The following DDHD2 variants were observed in gnomAD, a reference collection of about 807,000 sequenced individuals.
DDHD2 encodes the protein triacylglycerol hydrolase DDHD2.
Under a neutral mutation model 91.2 loss-of-function variants are expected in DDHD2, and 62 were observed. The ratio of observed to expected loss-of-function variants is 0.68; its 90% CI spans 0.55 to 0.84. DDHD2 has a LOEUF of 0.84. DDHD2 is among the 40% of genes least tolerant of loss of function. The probability of loss-of-function intolerance (pLI) is 0.00; values close to 1 mark genes in which losing one functional copy is unlikely to be tolerated. For missense variants in DDHD2, 740 were observed against 846.9 expected (o/e 0.87, Z 1.57); for synonymous variants, 271 against 293.9 (o/e 0.92, Z 0.80).
At chr8:38,253,937 G>C (rs938633472) in intron 16 of DDHD2, among the ~76,000 whole-genome samples, 2 of 152,002 alleles carry the variant, frequency 1.3e-5, no homozygotes, top group South Asian at 2.1e-4. Flanking sequence ...TTAGCTGGGC[G>C]TGGTGGTATG....
At chr8:38,236,585 A>G (rs1804776559) in intron 3 of DDHD2, among the ~76,000 whole-genome samples, 1 of 147,436 alleles carries the variant, frequency 6.8e-6, no homozygotes, top group Non-Finnish European at 1.5e-5. Context: ...GCGCGATCTC[A>G]GCTCACCGCA....
chr8:38,262,137 T>C lies in DDHD2; in HGVS notation c.*1564T>C, dbSNP rs571226364. ...TCTGCTTATAGTCTAGTGCTAAGTA[T>C]GCCACTAAGTTTCAGATATATGGAA... On this transcript the variant is annotated 3_prime_UTR_variant, in exon 18 of 18. Coordinates refer to ENST00000397166, the MANE Select transcript of DDHD2 (RefSeq NM_015214.3). 1.3e-5 allele frequency: 2 copies of C among 152,314 alleles called. No individual in the cohort carries two copies. Among genetic ancestry groups the C allele is most frequent in the Admixed American group, 6.5e-5 (1 of 15,300 alleles). 9.4% of individuals were successfully genotyped at this position (152,314 alleles called of 1,614,324 possible). A position where few individuals can be genotyped will look rare whatever the true frequency, so the allele number is the denominator to read the frequency against.
At chr8:38,267,650 T>C (rs1244712776), downstream of DDHD2, 1 of 620,222 alleles carries the variant, frequency 1.6e-6, no homozygotes, top group African/African-American at 1.8e-5. Context: ...CAGGAGGTGC[T>C]CAAGAGGACA....
At chr8:38,264,429 G>C, downstream of DDHD2, 1 of 1,535,290 alleles carries the variant, frequency 6.5e-7, no homozygotes, top group Non-Finnish European at 8.8e-7. Flanking sequence ...CACCACGCCC[G>C]GCCAGATTCA....
chr8:38,268,961 C>A (rs766773305), intron 1 of DDHD2: 2 of 1,567,920 alleles, frequency 1.3e-6, no homozygotes, highest in African/African-American at 2.8e-5. Context: ...CTGGATGAGT[C>A]TCTGGAACGG....
At chr8:38,267,710 G>C, downstream of DDHD2, 2 of 670,288 alleles carry the variant, frequency 3.0e-6, no homozygotes, top group Non-Finnish European at 5.0e-6. Context: ...AGGCAGAAAA[G>C]AGCCCAGGTG....
intron 3 of DDHD2, among the ~76,000 whole-genome samples, chr8:38,236,799 C>T (rs1032392219): frequency 6.6e-6 from 1 of 151,888 alleles, no homozygotes; most frequent in African/African-American, 2.4e-5. Flanking sequence ...GGATTATAGG[C>T]GTGAGCCACC....
chr8:38,253,371 A>G, intron 15 of DDHD2, 185 bp from the exon 16 acceptor site: 1 of 732,158 alleles, frequency 1.4e-6, no homozygotes, highest in East Asian at 2.7e-5. Flanking sequence ...AAAAAAGGGG[A>G]TTGGACAAAA....
At chr8:38,254,522 C>G (rs1413329574) in intron 16 of DDHD2, among the ~76,000 whole-genome samples, 1 of 151,866 alleles carries the variant, frequency 6.6e-6, no homozygotes, top group Non-Finnish European at 1.5e-5. Flanking sequence ...GTAGGATGAC[C>G]GTTGTGCACC....
In DDHD2 at chr8:38,242,522, G is replaced by C; in HGVS notation, c.848+137G>C. On this transcript the variant is annotated intron_variant, in intron 7 of 17. Transcript: ENST00000397166. ...GAGATATGCTATTAAATGCTGATCA[G>C]TCCCTTGGTTTAATTAGCCCTGGTT... The C allele has an allele frequency of 3.2e-6, 3 of 925,268 alleles. No homozygotes were observed. The South Asian group carries it at 5.3e-5, about 16-fold the overall frequency. 57.3% of individuals were successfully genotyped at this position (925,268 alleles called of 1,614,324 possible). A position where few individuals can be genotyped will look rare whatever the true frequency, so the allele number is the denominator to read the frequency against.
At chr8:38,246,033 G>GCAC in intron 8 of DDHD2, 83 bp downstream of exon 8, 1 of 1,411,142 alleles carries the variant, frequency 7.1e-7, no homozygotes, top group Non-Finnish European at 9.9e-7. Context: ...TCTTTTATCA[G>GCAC]TATGAAATTC....
downstream of DDHD2, chr8:38,264,720 C>G (rs1366712565): frequency 7.0e-7 from 1 of 1,438,004 alleles, no homozygotes; most frequent in African/African-American, 1.4e-5. Flanking sequence ...CTAAAATAAC[C>G]TCAATTCCAG....
At chr8:38,270,978 G>C (rs948029285) in intron 1 of DDHD2, 1 of 152,156 alleles carries the variant, frequency 6.6e-6, no homozygotes, top group East Asian at 1.9e-4. Context: ...GGAGTGTAAC[G>C]TAAGTGCAAT....
Position 38,252,811 on chromosome 8 carries a change from GCGGAT to G in DDHD2, c.1708_1712del (p.Arg570AlafsTer16). The G allele has an allele frequency of 6.2e-7, 1 of 1,614,098 alleles. No individual in the cohort carries two copies. ...TGATCCCACATCATAAAGGCAGGAA[GCGGAT>G]GCACTTAGGTAAGTCCGAGCATAGA... is the stretch of plus-strand genomic sequence containing the variant. On this transcript the variant is annotated frameshift_variant, in exon 14 of 18. Coordinates refer to ENST00000397166, the MANE Select transcript of DDHD2 (RefSeq NM_015214.3). LOFTEE classifies it high-confidence loss of function.
intron 4 of DDHD2, 126 bp downstream of exon 4, chr8:38,237,753 A>G (rs907062959): frequency 1.0e-5 from 6 of 584,124 alleles, no homozygotes; most frequent in African/African-American, 3.9e-5. Flanking sequence ...TTGAATTCAC[A>G]GTTATGAAAC....
downstream of DDHD2, chr8:38,263,464 A>G (rs1807195255): frequency 1.0e-6 from 1 of 985,236 alleles, no homozygotes; most frequent in Admixed American, 6.1e-5. Flanking sequence ...CAAATGAGGT[A>G]GAAACAGTCA....
intron 7 of DDHD2, among the ~76,000 whole-genome samples, chr8:38,245,291 G>T (rs553214143): frequency 1.3e-5 from 2 of 152,086 alleles, no homozygotes; most frequent in Admixed American, 6.5e-5. Flanking sequence ...AATTAGCTGG[G>T]CATGGTGGCA....
intron 1 of DDHD2, chr8:38,268,879 C>G: frequency 1.9e-6 from 3 of 1,551,294 alleles, no homozygotes; most frequent in East Asian, 4.7e-5. Context: ...TTTCTCCACG[C>G]ACAAACATCG....
chr8:38,269,882 A>G (rs936923398), intron 1 of DDHD2: 3 of 152,276 alleles, frequency 2.0e-5, no homozygotes, highest in African/African-American at 7.2e-5. Context: ...CAAAAATTAT[A>G]TGTTCCTACC....
Sources: allele counts gnomAD v4.1 joint callset (sites outside exome capture counted in the v4.1 genomes callset), GRCh38; gene constraint gnomAD v4.1.1; transcripts MANE v1.5; gene names NCBI Gene and HGNC (gene_info 2026-07-23, HGNC 2026-07-21).